RASA2: variants seen among roughly 807,000 people sequenced by gnomAD.
RASA2 encodes RAS p21 protein activator 2.
Under a neutral mutation model 118.2 loss-of-function variants are expected in RASA2, and 155 were observed. The ratio of observed to expected loss-of-function variants is 1.31; its 90% CI spans 1.15 to 1.50. The LOEUF (loss-of-function observed/expected upper bound fraction) is 1.50. RASA2 is among the 40% of genes most tolerant of loss of function. The pLI, the probability that RASA2 is intolerant of heterozygous loss-of-function variation, is 0.00. For missense variants in RASA2, 1,016 were observed against 1,009.6 expected, an observed-to-expected ratio of 1.01 and a Z score of -0.09; for synonymous variants, 353 against 349.1, an observed-to-expected ratio of 1.01 and a Z score of -0.12.
At chr3:141,571,910 A>G (rs993040527) in intron 11 of RASA2, among the ~76,000 whole-genome samples, 2 of 151,702 alleles carry the variant, frequency 1.3e-5, no homozygotes, top group African/African-American at 4.8e-5. Context: ...ACATTCTAAA[A>G]AGCAGTCAAG....
chr3:141,589,408 C>A (rs947735959), intron 19 of RASA2, among the ~76,000 whole-genome samples: 11 of 152,048 alleles, frequency 7.2e-5, no homozygotes, highest in African/African-American at 2.7e-4. Context: ...TAGCTATGGA[C>A]CCCTTTGTCT....
At chr3:141,536,462 TAGTGTA>T (rs1196478874) in intron 4 of RASA2, among the ~76,000 whole-genome samples, 1 of 152,014 alleles carries the variant, frequency 6.6e-6, no homozygotes, top group African/African-American at 2.4e-5. Flanking sequence ...AGTACGAGAG[TAGTGTA>T]AGTTCCTCAG....
rs2107801510 is a variant in RASA2, at chr3:141,608,506, T to G, written c.2034T>G (p.His678Gln). ...FNKKNMFQVI[H>Q]TEKPLYVQAN... ...CTATGAAGATGTTCCAAGTAATACA[T>G]ACGGAGAAACCACTCTATGTCCAGG... The change falls in exon 21 of 24, where the codon CAT (histidine) becomes CAG (glutamine). Residue 678 changes from histidine to glutamine, a missense_variant. By Grantham distance (24) the His-to-Gln change is conservative. Coordinates refer to ENST00000286364, the MANE Select transcript of RASA2 (RefSeq NM_006506.5). 1.9e-6 allele frequency: 3 copies of G among 1,613,826 alleles called. No individual in the cohort carries two copies. The highest frequency in any genetic ancestry group is 2.5e-6 in the Non-Finnish European group (3 of 1,179,806).
intron 1 of RASA2, among the ~76,000 whole-genome samples, chr3:141,505,155 A>G (rs1332428826): frequency 2.0e-5 from 3 of 152,232 alleles, no homozygotes; most frequent in African/African-American, 7.2e-5. Flanking sequence ...TATTTCTTCC[A>G]TGACAATAAA....
chr3:141,558,392 T>C (rs1407345062), intron 7 of RASA2, among the ~76,000 whole-genome samples: 1 of 152,128 alleles, frequency 6.6e-6, no homozygotes, highest in East Asian at 1.9e-4. Context: ...CTATAGAGTG[T>C]TTCTGGGAAA....
intron 5 of RASA2, among the ~76,000 whole-genome samples, chr3:141,553,474 C>A (rs2082603631): frequency 6.6e-6 from 1 of 151,580 alleles, no homozygotes; most frequent in South Asian, 2.1e-4. Context: ...CATTAAGCAT[C>A]CCAAATCCAA....
In RASA2 at chr3:141,502,217, A is replaced by G. The variant is rs552829388; in HGVS notation, c.134-9946A>G. On this transcript the variant is annotated intron_variant, in intron 1 of 23. Transcript: ENST00000286364. ...GTATTAGAACATTATGTCCTGAGTC[A>G]TTCAAGCCAGTTAATGCCAAATTCT... Among the ~76,000 whole-genome samples, 3 of 152,320 alleles carry G rather than the reference A, an allele frequency of 2.0e-5. No individual in the cohort carries two copies. In the East Asian group the frequency reaches 5.8e-4, roughly 29 times the overall value.
intron 2 of RASA2, among the ~76,000 whole-genome samples, chr3:141,515,114 C>T (rs1189133413): frequency 2.0e-5 from 3 of 152,220 alleles, no homozygotes; most frequent in African/African-American, 4.8e-5. Flanking sequence ...AACCTCTATA[C>T]TTTAAATTGG....
Position 141,562,753 on chromosome 3 carries a change from A to G in RASA2, c.863+2758A>G, listed in dbSNP as rs559007294. Among the ~76,000 whole-genome samples the G allele has an allele frequency of 2.9e-3, 445 of 151,646 alleles. 1 individual carries two copies. The highest frequency in any genetic ancestry group is 5.4e-3 in the Non-Finnish European group (369 of 67,842). On this transcript the variant is annotated intron_variant, in intron 9 of 23. Transcript: ENST00000286364. The stretch of plus-strand genomic sequence containing the variant: ...AGTAGCGCCATCTTGGCCCACTGCA[A>G]TCTCCACCTCCCGAGTTTAAGCCAT...
intron 15 of RASA2, among the ~76,000 whole-genome samples, chr3:141,577,321 T>C (rs1166161895): frequency 6.6e-6 from 1 of 152,146 alleles, no homozygotes; most frequent in South Asian, 2.1e-4. Context: ...AGTAATAAAA[T>C]GTTGTTAATT....
intron 11 of RASA2, 111 bp from the exon 12 acceptor site, chr3:141,572,498 G>C (rs962426448): frequency 1.8e-5 from 13 of 737,324 alleles, no homozygotes; most frequent in Non-Finnish European, 2.8e-5. Context: ...CTTCTAGTAT[G>C]TCTTAATCTA....
intron 9 of RASA2, among the ~76,000 whole-genome samples, chr3:141,565,315 C>T (rs2082801846): frequency 6.6e-6 from 1 of 152,154 alleles, no homozygotes. Context: ...GCTGATAAAA[C>T]GAGATGTCTG....
chr3:141,573,958 C>G lies in RASA2; in HGVS notation c.1374C>G (p.Tyr458Ter), dbSNP rs752699327. The G allele has an allele frequency of 6.3e-7, 1 of 1,586,132 alleles. No individual in the cohort carries two copies. Among genetic ancestry groups the G allele is most frequent in the Non-Finnish European group, 8.6e-7 (1 of 1,163,596 alleles). ...NVENNKENLR[Y>*]YVDKLFNTIV... The stretch of plus-strand genomic sequence containing the variant: ...AAATCCTGCAGGAGAATCTGCGCTA[C>G]TATGTAGACAAGTTATTCAATACAA... The change falls in exon 14 of 24, where the codon TAC (tyrosine) becomes TAG (stop). Residue 458 changes from tyrosine (Y) to a stop codon, truncating the protein, a stop_gained. Coordinates refer to ENST00000286364, the MANE Select transcript of RASA2 (RefSeq NM_006506.5). LOFTEE classifies it high-confidence loss of function.
intron 1 of RASA2, among the ~76,000 whole-genome samples, chr3:141,487,474 T>C (rs1187408124): frequency 6.7e-6 from 1 of 148,696 alleles, no homozygotes; most frequent in East Asian, 2.0e-4. Context: ...GAGCCCGGGC[T>C]GCGCCGGCGT....
chr3:141,605,449 C>CATATATCACATAT (rs1329973426), intron 19 of RASA2, among the ~76,000 whole-genome samples: 3 of 152,100 alleles, frequency 2.0e-5, no homozygotes, highest in Non-Finnish European at 2.9e-5. Context: ...CTAATGATAT[C>CATATATCACATAT]ATGACAGTAT....
In RASA2 at chr3:141,533,410, G is replaced by T. The variant is rs376011489; in HGVS notation, c.450+3608G>T. On this transcript the variant is annotated intron_variant, in intron 4 of 23. Coordinates refer to ENST00000286364, the MANE Select transcript of RASA2 (RefSeq NM_006506.5). ...ATTAGCATTTGTGCCCCAAATAATC[G>T]CAAGCCTGTTACCTGAGGATCTTCA... 7.0e-4 allele frequency among the ~76,000 whole-genome samples: 106 copies of T among 152,224 alleles called. 3 individuals are homozygous for T. The South Asian group carries it at 0.021, about 30-fold the overall frequency.
rs1400675417 is a variant in RASA2, at chr3:141,612,984, T to A, written c.*671T>A. ...GTGTGCATCTTGTTTACATTTGGGA[T>A]CAGTGATGGCAAAAGAAGTAATGAG... On this transcript the variant is annotated 3_prime_UTR_variant, in exon 24 of 24. Coordinates refer to ENST00000286364, the MANE Select transcript of RASA2 (RefSeq NM_006506.5). 6.6e-6 allele frequency: 1 copy of A among 152,220 alleles called. No homozygotes were observed. The highest frequency in any genetic ancestry group is 1.5e-5 in the Non-Finnish European group (1 of 68,042). 9.4% of individuals were successfully genotyped at this position (152,220 alleles called of 1,614,324 possible). A position where few individuals can be genotyped will look rare whatever the true frequency, so the allele number is the denominator to read the frequency against.
At chr3:141,522,470 G>C (rs964779759) in intron 3 of RASA2, among the ~76,000 whole-genome samples, 1 of 152,158 alleles carries the variant, frequency 6.6e-6, no homozygotes, top group African/African-American at 2.4e-5. Context: ...TAGGCGTGGG[G>C]CTGGTGCTCG....
intron 9 of RASA2, among the ~76,000 whole-genome samples, chr3:141,570,207 G>A (rs1392362208): frequency 2.1e-5 from 3 of 144,790 alleles, no homozygotes; most frequent in African/African-American, 7.6e-5. Flanking sequence ...ATTCTGATAT[G>A]TCTTATCTAC....
Sources: allele counts gnomAD v4.1 joint callset (sites outside exome capture counted in the v4.1 genomes callset), GRCh38; gene constraint gnomAD v4.1.1; transcripts MANE v1.5; gene names NCBI Gene and HGNC (gene_info 2026-07-23, HGNC 2026-07-21).